Variants in LIFR observed in about 807,000 individuals in gnomAD.
LIFR encodes leukemia inhibitory factor receptor.
Under a neutral mutation model 122.2 loss-of-function variants are expected in LIFR, and 84 were observed. That is an observed-to-expected ratio of 0.69 (90% CI 0.58 to 0.82). The LOEUF (loss-of-function observed/expected upper bound fraction) is 0.82. Among genes scored for constraint, LIFR ranks in the 40% least tolerant of loss-of-function variants. The probability of loss-of-function intolerance (pLI) is 0.00; values close to 1 mark genes in which losing one functional copy is unlikely to be tolerated. For missense variants in LIFR, 1,294 were observed against 1,311.6 expected (o/e 0.99, Z 0.21); for synonymous variants, 422 against 434.7 (o/e 0.97, Z 0.36).
chr5:38,485,112 A>C (rs966088980), intron 17 of LIFR, among the ~76,000 whole-genome samples: 1 of 152,212 alleles, frequency 6.6e-6, no homozygotes, highest in Non-Finnish European at 1.5e-5. Context: ...TAGGCCAGAC[A>C]GATCTTCACT....
At chr5:38,518,150 T>C (rs1479743362) in intron 5 of LIFR, among the ~76,000 whole-genome samples, 1 of 151,370 alleles carries the variant, frequency 6.6e-6, no homozygotes, top group African/African-American at 2.4e-5. Flanking sequence ...AAATAAGGAG[T>C]AGGATTTGAC....
At chr5:38,579,652 C>A (rs1328782291) in intron 1 of LIFR, 1 of 152,132 alleles carries the variant, frequency 6.6e-6, no homozygotes, top group Non-Finnish European at 1.5e-5. Context: ...TCTCAACATA[C>A]CTCAATAATT....
intron 1 of LIFR, among the ~76,000 whole-genome samples, chr5:38,534,242 C>T (rs1259662723): frequency 6.6e-6 from 1 of 152,194 alleles, no homozygotes; most frequent in African/African-American, 2.4e-5. Flanking sequence ...TTAAATTCCT[C>T]CAGCATTAGC....
intron 4 of LIFR, among the ~76,000 whole-genome samples, chr5:38,524,650 G>T (rs1247854021): frequency 6.6e-6 from 1 of 152,178 alleles, no homozygotes; most frequent in African/African-American, 2.4e-5. Context: ...CAGAAGCCTG[G>T]CTATGGATGA....
chr5:38,586,564 A>G (rs972819639), intron 1 of LIFR, among the ~76,000 whole-genome samples: 2 of 152,044 alleles, frequency 1.3e-5, no homozygotes, highest in Non-Finnish European at 1.5e-5. Flanking sequence ...TTTTTATGTG[A>G]TACTCACTGT....
At chr5:38,485,201 T>C (rs1239311916) in intron 17 of LIFR, among the ~76,000 whole-genome samples, 1 of 152,180 alleles carries the variant, frequency 6.6e-6, no homozygotes, top group Admixed American at 6.5e-5. Flanking sequence ...ATACCAGCAG[T>C]ATCCCCCAGT....
At chr5:38,568,686 TCTC>T (rs1286978162) in intron 1 of LIFR, among the ~76,000 whole-genome samples, 1 of 152,100 alleles carries the variant, frequency 6.6e-6, no homozygotes, top group Non-Finnish European at 1.5e-5. Context: ...GACTTTTTCT[TCTC>T]CTTCATTTGC....
chr5:38,494,628 A>T (rs1580025635), intron 13 of LIFR, among the ~76,000 whole-genome samples: 1 of 152,260 alleles, frequency 6.6e-6, no homozygotes, highest in East Asian at 1.9e-4. Context: ...GGAGAAGAAA[A>T]TTTCCCACCG....
intron 7 of LIFR, among the ~76,000 whole-genome samples, chr5:38,509,082 G>A (rs1368097901): frequency 2.7e-5 from 4 of 150,194 alleles, no homozygotes; most frequent in Non-Finnish European, 4.4e-5. Flanking sequence ...ATAAATGAAG[G>A]TTAAACTATA....
In LIFR at chr5:38,510,576, A is replaced by T; in HGVS notation, c.879T>A (p.Asp293Glu). ...GAATCTTGATTGCAACATTTTCCCC[A>T]TCAAGATGGATCAAGGGGCAGTTTG... ...GHTNCPLIHL[D>E]GENVAIKIRN... Residue 293 changes from aspartate to glutamate, a missense_variant, in exon 7 of 20, where the codon GAT becomes GAA. Asp to Glu is a conservative substitution (Grantham distance 45, BLOSUM62 2). Coordinates refer to ENST00000453190, the MANE Select transcript of LIFR (RefSeq NM_001127671.2). The T allele has an allele frequency of 6.2e-7, 1 of 1,614,056 alleles. No homozygotes were observed. Among genetic ancestry groups the T allele is most frequent in the Non-Finnish European group, 8.5e-7 (1 of 1,179,956 alleles).
At chr5:38,489,020 G>C (rs1403450800) in intron 16 of LIFR, 58 bp downstream of exon 16, 1 of 1,438,578 alleles carries the variant, frequency 7.0e-7, no homozygotes, top group Non-Finnish European at 9.8e-7. Context: ...TTTTTTTTCT[G>C]TTGTGGTTAA....
At chr5:38,483,235 A>C (rs1044314252) in intron 18 of LIFR, among the ~76,000 whole-genome samples, 5 of 152,242 alleles carry the variant, frequency 3.3e-5, no homozygotes, top group Non-Finnish European at 7.3e-5. Flanking sequence ...AACGCAACCA[A>C]AAATGAGATT....
chr5:38,504,018 TA>T lies in LIFR; in HGVS notation c.1394del (p.Leu465TyrfsTer23). 6.3e-7 allele frequency: 1 copy of T among 1,587,178 alleles called. No homozygotes were observed. On this transcript the variant is annotated frameshift_variant, in exon 10 of 20. Coordinates refer to ENST00000453190, the MANE Select transcript of LIFR (RefSeq NM_001127671.2). LOFTEE classifies it high-confidence loss of function. ...TAGATTTCTTAATTTCAATTTCACATAAAAAATTAATCTTTGCAAAGTTGCC... is the reference window on the plus strand; with the variant it reads ...TAGATTTCTTAATTTCAATTTCACATAAAAATTAATCTTTGCAAAGTTGCC... ...LPGNFAKINF[L>X]CEIEIKKSNS...
Position 38,486,034 on chromosome 5 carries a change from T to C in LIFR, c.2336-54A>G, listed in dbSNP as rs1744270700. 33 of 1,522,488 alleles carry C rather than the reference T, an allele frequency of 2.2e-5. No individual in the cohort carries two copies. The South Asian group carries it at 3.6e-4, about 17-fold the overall frequency. The allele number at this position is 1,522,488 out of a possible 1,614,324, so 94.3% of individuals were successfully genotyped here. On this transcript the variant is annotated intron_variant, in intron 16 of 19. Coordinates refer to ENST00000453190, the MANE Select transcript of LIFR (RefSeq NM_001127671.2). ...TAATCTCTAACCCGTTTCAAATGCA[T>C]GGTTACCCACACCTGTCTCACCAAC...
intron 1 of LIFR, among the ~76,000 whole-genome samples, chr5:38,569,415 G>A (rs1338482688): frequency 6.6e-6 from 1 of 152,166 alleles, no homozygotes. Flanking sequence ...GAGGTGAGAA[G>A]CAGGCAAGCG....
chr5:38,493,859 TGA>T, intron 13 of LIFR, 74 bp from the exon 14 acceptor site: 1 of 1,247,670 alleles, frequency 8.0e-7, no homozygotes, highest in Non-Finnish European at 1.2e-6. Context: ...AAAATGGACA[TGA>T]GTTAGAAAAA....
At chr5:38,483,596 AT>A (rs1163610604) in intron 18 of LIFR, among the ~76,000 whole-genome samples, 1 of 151,728 alleles carries the variant, frequency 6.6e-6, no homozygotes, top group Non-Finnish European at 1.5e-5. Context: ...TGCTCAGCTA[AT>A]TTTTTGTATT....
At chr5:38,563,421 T>C (rs1748904469) in intron 1 of LIFR, among the ~76,000 whole-genome samples, 1 of 152,210 alleles carries the variant, frequency 6.6e-6, no homozygotes, top group Admixed American at 6.5e-5. Context: ...GTTATTAACA[T>C]AAAGAGTCCC....
rs1743793856 is a variant in LIFR at position 38,477,783 on chromosome 5, T to G, written c.*3812A>C. 4.6e-6 allele frequency: 1 copy of G among 217,940 alleles called. No individual in the cohort carries two copies. Among genetic ancestry groups the G allele is most frequent in the Non-Finnish European group, 9.2e-6 (1 of 108,140 alleles). The allele number at this position is 217,940 out of a possible 1,614,324, so 13.5% of individuals were successfully genotyped here. A position where few individuals can be genotyped will look rare whatever the true frequency, so the allele number is the denominator to read the frequency against. ...TGGGATAGGACTCAGTCAAGAAAAT[T>G]AGTTACTGAGCTTTCACGATGTGCC... On this transcript the variant is annotated 3_prime_UTR_variant, in exon 20 of 20. Transcript: ENST00000453190.
Sources: gnomAD v4.1 joint callset for allele counts (sites outside exome capture counted in the v4.1 genomes callset) on GRCh38, gnomAD v4.1.1 for gene constraint, MANE v1.5 for transcripts, NCBI Gene and HGNC (gene_info 2026-07-23, HGNC 2026-07-21) for gene names.